EPHB2: variants seen among roughly 807,000 people sequenced by gnomAD.
EPHB2 encodes ephrin type-B receptor 2.
A neutral mutation model predicts 96.4 loss-of-function variants in EPHB2; 18 were observed. That is an observed-to-expected ratio of 0.19 (90% confidence interval 0.13 to 0.28). The LOEUF is 0.28. Among genes scored for constraint, EPHB2 ranks in the 10% least tolerant of loss-of-function variants. The probability of loss-of-function intolerance (pLI) is 1.00; values close to 1 mark genes in which losing one functional copy is unlikely to be tolerated. For synonymous variants in EPHB2, 506 were observed against 534.1 expected, an observed-to-expected ratio of 0.95 and a Z score of 0.72; for missense variants, 989 against 1,355.4, an observed-to-expected ratio of 0.73 and a Z score of 4.25.
At chr1:22,794,407 C>A (rs748514238) in intron 3 of EPHB2, among the ~76,000 whole-genome samples, 3 of 152,142 alleles carry the variant, frequency 2.0e-5, no homozygotes, top group Non-Finnish European at 2.9e-5. Flanking sequence ...CCTGGCTGAC[C>A]TCTGGCCAGA....
At chr1:22,805,226 G>T (rs916172660) in intron 3 of EPHB2, among the ~76,000 whole-genome samples, 5 of 152,246 alleles carry the variant, frequency 3.3e-5, no homozygotes, top group African/African-American at 1.2e-4. Context: ...GATTCTGAAG[G>T]ACTTCAGAAA....
intron 3 of EPHB2, among the ~76,000 whole-genome samples, chr1:22,827,817 C>T (rs926712372): frequency 5.3e-5 from 8 of 152,240 alleles, no homozygotes; most frequent in African/African-American, 1.2e-4. Flanking sequence ...GAAATGGCTC[C>T]GCCAGGACTC....
chr1:22,820,942 A>G (rs775435011), intron 3 of EPHB2, among the ~76,000 whole-genome samples: 2 of 152,230 alleles, frequency 1.3e-5, no homozygotes, highest in African/African-American at 4.8e-5. Flanking sequence ...CATTTGCATC[A>G]GTTTGGATTA....
At chr1:22,769,448 C>T (rs1324798533) in intron 1 of EPHB2, among the ~76,000 whole-genome samples, 1 of 152,192 alleles carries the variant, frequency 6.6e-6, no homozygotes, top group African/African-American at 2.4e-5. Context: ...ACTCTGTCAC[C>T]TAGGCTGGAA....
chr1:22,790,773 T>C lies in EPHB2; in HGVS notation c.811+5697T>C, dbSNP rs1644679588. Among the ~76,000 whole-genome samples, 1 of 152,252 alleles carries C rather than the reference T, an allele frequency of 6.6e-6. No individual in the cohort carries two copies. The highest frequency in any genetic ancestry group is 2.4e-5 in the African/African-American group (1 of 41,474). The stretch of plus-strand genomic sequence containing the variant: ...ATGCTATCGGACGTAATGGGATTTT[T>C]AATATTTAGCTTGGATGGGGAGAGG... On this transcript the variant is annotated intron_variant, in intron 3 of 15. Transcript: ENST00000374630. This position sits in a 1 kb window ranked among gnomAD's most constrained non-coding sequence, Gnocchi z 4.0.
At chr1:22,834,276 G>A (rs1198411411) in intron 3 of EPHB2, among the ~76,000 whole-genome samples, 1 of 152,098 alleles carries the variant, frequency 6.6e-6, no homozygotes, top group Non-Finnish European at 1.5e-5. Context: ...ACCTTCCCCA[G>A]GTGTGTAAGT....
intron 1 of EPHB2, among the ~76,000 whole-genome samples, chr1:22,745,498 G>C (rs1643959931): frequency 6.6e-6 from 1 of 152,030 alleles, no homozygotes. Context: ...TAGTTACATG[G>C]GTATATGCAT....
Position 22,906,936 on chromosome 1 carries a change from C to T in EPHB2, c.2115C>T (p.Gly705=). Residue 705 remains glycine, a synonymous_variant, in exon 11 of 16, where the codon GGC becomes GGT. Transcript: ENST00000374630. The surrounding 1 kb of genome is among the most constrained non-coding windows in gnomAD (Gnocchi z 4.8). ...VMIITEFMEN[G]SLDSFLRQND... ...TCATCACCGAGTTCATGGAGAATGG[C>T]TCCCTGGACTCCTTTCTCCGGGTAG... 1 of 1,610,818 alleles carries T rather than the reference C, an allele frequency of 6.2e-7. No individual in the cohort carries two copies. The highest frequency in any genetic ancestry group is 2.2e-5 in the East Asian group (1 of 44,786).
At chr1:22,814,990 G>A (rs35066330) in intron 3 of EPHB2, among the ~76,000 whole-genome samples, 83,306 of 152,184 alleles carry the variant, frequency 0.55, 25,444 homozygotes, top group Non-Finnish European at 0.69. Flanking sequence ...CTATGGCCAC[G>A]CGTGAAGGCT....
chr1:22,793,121 G>A (rs1289932111), intron 3 of EPHB2, among the ~76,000 whole-genome samples: 3 of 152,182 alleles, frequency 2.0e-5, no homozygotes, highest in African/African-American at 7.2e-5. Context: ...GAAGGTTCTG[G>A]ATCTCAGGAC....
intron 1 of EPHB2, among the ~76,000 whole-genome samples, chr1:22,726,291 C>T (rs1313857672): frequency 6.6e-6 from 1 of 152,152 alleles, no homozygotes; most frequent in African/African-American, 2.4e-5. Flanking sequence ...CTTCTTCCCT[C>T]ATCAATATCA....
At chr1:22,844,822 G>T (rs1338915280) in intron 3 of EPHB2, among the ~76,000 whole-genome samples, 1 of 152,186 alleles carries the variant, frequency 6.6e-6, no homozygotes, top group Non-Finnish European at 1.5e-5. Flanking sequence ...GTCCTTTGGG[G>T]TCCTTGGTCA....
intron 1 of EPHB2, among the ~76,000 whole-genome samples, chr1:22,728,310 A>G (rs887816010): frequency 6.6e-6 from 1 of 152,248 alleles, no homozygotes; most frequent in Non-Finnish European, 1.5e-5. Flanking sequence ...AATGCTTTCC[A>G]TGCAGAATCC....
chr1:22,871,114 C>T (rs1638650317), intron 5 of EPHB2, among the ~76,000 whole-genome samples: 1 of 152,208 alleles, frequency 6.6e-6, no homozygotes, highest in African/African-American at 2.4e-5. Context: ...GAGGTAGGTC[C>T]TGTTGTCATC....
chr1:22,792,681 G>A (rs560273160), intron 3 of EPHB2, among the ~76,000 whole-genome samples: 1 of 152,246 alleles, frequency 6.6e-6, no homozygotes, highest in East Asian at 1.9e-4. Flanking sequence ...AGGGCTCAGT[G>A]ATGTCTTCAT....
chr1:22,833,347 TG>T (rs1021120204), intron 3 of EPHB2, among the ~76,000 whole-genome samples: 9 of 152,164 alleles, frequency 5.9e-5, no homozygotes, highest in African/African-American at 2.2e-4. Context: ...CTCGAACTCC[TG>T]ACCCCATGAT....
At chr1:22,782,465 A>C (rs1429450270) in intron 2 of EPHB2, among the ~76,000 whole-genome samples, 7 of 32,146 alleles carry the variant, frequency 2.2e-4, no homozygotes, top group South Asian at 2.5e-3. Context: ...CATTCCCCCC[A>C]CCCCCCAGGC....
chr1:22,915,125 T>C lies in EPHB2; in HGVS notation c.*1555T>C, dbSNP rs540357512. ...CAGAGACACGGGCAAGCATGCCTCTTCCCTTCCCTGGAGAGAAAGTGTGTG... is the reference window on the plus strand; with the variant it reads ...CAGAGACACGGGCAAGCATGCCTCTCCCCTTCCCTGGAGAGAAAGTGTGTG... On this transcript the variant is annotated 3_prime_UTR_variant, in exon 16 of 16. Coordinates refer to ENST00000374630, the MANE Select transcript of EPHB2 (RefSeq NM_017449.5). 6.6e-6 allele frequency: 1 copy of C among 152,542 alleles called. No individual in the cohort carries two copies. Among genetic ancestry groups the C allele is most frequent in the Non-Finnish European group, 1.5e-5 (1 of 68,006 alleles). The allele number at this position is 152,542 out of a possible 1,614,324, so 9.4% of individuals were successfully genotyped here.
chr1:22,876,391 G>T (rs1554211), intron 5 of EPHB2, among the ~76,000 whole-genome samples: 136,445 of 152,042 alleles, frequency 0.9, 62,972 homozygotes, highest in East Asian at 1. Context: ...TACAACCCCT[G>T]CATGCCCTGA....
Sources: gnomAD v4.1 joint callset for allele counts (sites outside exome capture counted in the v4.1 genomes callset) on GRCh38, gnomAD v4.1.1 for gene constraint, Gnocchi (gnomAD v3.1) non-coding constraint, MANE v1.5 for transcripts, NCBI Gene and HGNC (gene_info 2026-07-23, HGNC 2026-07-21) for gene names.